The following CMSS1 variants were observed in gnomAD, a reference collection of about 807,000 sequenced individuals.
CMSS1 encodes protein CMSS1.
Under a neutral mutation model 43.5 loss-of-function variants are expected in CMSS1, and 33 were observed. The observed-to-expected ratio is 0.76, with a 90% confidence interval of 0.57 to 1.01. The LOEUF is 1.01. CMSS1 is among the 50% of genes least tolerant of loss of function. The pLI, the probability that CMSS1 is intolerant of heterozygous loss-of-function variation, is 0.00. For missense variants in CMSS1, 313 were observed against 326.4 expected, an observed-to-expected ratio of 0.96 and a Z score of 0.32; for synonymous variants, 115 against 117.2, an observed-to-expected ratio of 0.98 and a Z score of 0.12.
chr3:100,099,870 A>T (rs2066275111), intron 1 of CMSS1, among the ~76,000 whole-genome samples: 1 of 152,192 alleles, frequency 6.6e-6, no homozygotes, highest in African/African-American at 2.4e-5. Flanking sequence ...AGGTGTGGTT[A>T]TGGAACTGAG....
chr3:99,850,800 C>CTCTA (rs1559658765), intron 1 of CMSS1: 7 of 1,614,188 alleles, frequency 4.3e-6, no homozygotes, highest in Admixed American at 1.7e-5. Context: ...GCAGTTCCTT[C>CTCTA]TCTAGTCTGG....
chr3:100,110,548 A>G (rs1327366674), intron 1 of CMSS1, among the ~76,000 whole-genome samples: 1 of 152,214 alleles, frequency 6.6e-6, no homozygotes, highest in African/African-American at 2.4e-5. Flanking sequence ...ACAAACTTTA[A>G]ATACATGTAC....
At chr3:100,076,406 C>T (rs529440576) in intron 1 of CMSS1, among the ~76,000 whole-genome samples, 1 of 152,328 alleles carries the variant, frequency 6.6e-6, no homozygotes, top group South Asian at 2.1e-4. Context: ...CGCCCAACAC[C>T]CTTCTTTTTC....
intron 1 of CMSS1, among the ~76,000 whole-genome samples, chr3:100,067,748 C>G (rs2065691168): frequency 6.6e-6 from 1 of 151,738 alleles, no homozygotes; most frequent in Non-Finnish European, 1.5e-5. Context: ...AAATATATAC[C>G]ACACTACTTT....
At chr3:100,034,600 C>G (rs1489874108) in intron 1 of CMSS1, among the ~76,000 whole-genome samples, 2 of 152,158 alleles carry the variant, frequency 1.3e-5, no homozygotes, top group Non-Finnish European at 2.9e-5. Flanking sequence ...AAACATGCTT[C>G]CTTATCAGTA....
chr3:99,967,663 T>G (rs780229789), intron 1 of CMSS1, among the ~76,000 whole-genome samples: 6 of 152,176 alleles, frequency 3.9e-5, no homozygotes, highest in Non-Finnish European at 7.3e-5. Context: ...ATAACGTTCT[T>G]TGGGCCTTGG....
intron 1 of CMSS1, among the ~76,000 whole-genome samples, chr3:100,026,324 A>C (rs2064920541): frequency 1.3e-5 from 2 of 152,136 alleles, no homozygotes; most frequent in African/African-American, 2.4e-5. Flanking sequence ...TCCTAAACTC[A>C]AGCTGTCTGC....
Position 100,107,395 on chromosome 3 carries a change from G to A in CMSS1, c.65-39578G>A, listed in dbSNP as rs552436062. Reference sequence around the variant, plus strand: ...TTCAGTAAGCATTATAGCCTCTTCTGACACTTTGTTGGTAGAATTTCTGAA... The same window carrying A: ...TTCAGTAAGCATTATAGCCTCTTCTAACACTTTGTTGGTAGAATTTCTGAA... On this transcript the variant is annotated intron_variant, in intron 1 of 9. Transcript: ENST00000421999. Among the ~76,000 whole-genome samples the A allele has an allele frequency of 6.6e-5, 10 of 152,218 alleles. No individual in the cohort carries two copies. In the East Asian group the frequency reaches 1.9e-3, roughly 29 times the overall value.
At chr3:100,087,526 G>A (rs2066031137) in intron 1 of CMSS1, among the ~76,000 whole-genome samples, 1 of 152,078 alleles carries the variant, frequency 6.6e-6, no homozygotes, top group African/African-American at 2.4e-5. Flanking sequence ...TTTCATCCAA[G>A]TATAGTCTTT....
intron 1 of CMSS1, among the ~76,000 whole-genome samples, chr3:99,950,404 G>T (rs1257669269): frequency 6.6e-6 from 1 of 152,138 alleles, no homozygotes; most frequent in East Asian, 1.9e-4. Context: ...ACTTAGAAAA[G>T]TTAAGTAAGT....
In CMSS1 at chr3:100,105,416, A is replaced by G. The variant is rs2066377371; in HGVS notation, c.65-41557A>G. ...CCTGGAAGGCATTTCTTTTGAATCA[A>G]CTGCAATTCGTATCTAACAATTTCA... On this transcript the variant is annotated intron_variant, in intron 1 of 9. Transcript: ENST00000421999. 3.3e-5 allele frequency among the ~76,000 whole-genome samples: 5 copies of G among 152,206 alleles called. No homozygotes were observed. The South Asian group carries it at 1.0e-3, about 31-fold the overall frequency.
chr3:99,835,643 T>C (rs1204452728), intron 1 of CMSS1, among the ~76,000 whole-genome samples: 1 of 152,232 alleles, frequency 6.6e-6, no homozygotes. Context: ...TATGTGATTC[T>C]GATGAAGGTG....
Position 99,874,640 on chromosome 3 carries a change from A to G in CMSS1, c.64+56597A>G, listed in dbSNP as rs77077254. 2.5e-4 allele frequency among the ~76,000 whole-genome samples: 38 copies of G among 152,304 alleles called. No homozygotes were observed. The East Asian group carries it at 7.3e-3, about 29-fold the overall frequency. On this transcript the variant is annotated intron_variant, in intron 1 of 9. Transcript: ENST00000421999. ...GCTCCAAACAAAATTAGCAAAAACA[A>G]AAAAACTGCTATGAGGCAAAAATGA...
intron 1 of CMSS1, among the ~76,000 whole-genome samples, chr3:99,992,349 T>A (rs1709549078): frequency 6.6e-6 from 1 of 152,114 alleles, no homozygotes; most frequent in African/African-American, 2.4e-5. Context: ...TTTGACTCTT[T>A]AATAATAGCC....
chr3:99,930,802 T>C (rs1244868475), intron 1 of CMSS1: 35 of 1,612,886 alleles, frequency 2.2e-5, no homozygotes, highest in African/African-American at 2.7e-5. Flanking sequence ...TGAGGAGAAA[T>C]AACAGGTCAT....
chr3:100,121,459 A>T (rs536665606), intron 1 of CMSS1, among the ~76,000 whole-genome samples: 13 of 152,054 alleles, frequency 8.5e-5, no homozygotes, highest in Non-Finnish European at 1.6e-4. Context: ...CATGGTGTAT[A>T]TTTGCCACAT....
intron 2 of CMSS1, among the ~76,000 whole-genome samples, chr3:100,156,321 T>TC (rs2066973387): frequency 7.0e-6 from 1 of 143,022 alleles, no homozygotes; most frequent in African/African-American, 2.6e-5. Context: ...TTTTTTTTTT[T>TC]TTTTTGAGGC....
At chr3:99,871,637 G>C (rs1331894666) in intron 1 of CMSS1, among the ~76,000 whole-genome samples, 1 of 152,174 alleles carries the variant, frequency 6.6e-6, no homozygotes, top group East Asian at 1.9e-4. Context: ...TGAAGGCATT[G>C]AGTCACTTTG....
intron 1 of CMSS1, among the ~76,000 whole-genome samples, chr3:100,102,666 T>G (rs1026003633): frequency 1.3e-5 from 2 of 152,218 alleles, no homozygotes; most frequent in Non-Finnish European, 2.9e-5. Context: ...CGCCATGCTT[T>G]GCATTCAGTA....
Sources: gnomAD v4.1 joint callset for allele counts (sites outside exome capture counted in the v4.1 genomes callset) on GRCh38, gnomAD v4.1.1 for gene constraint, MANE v1.5 for transcripts, NCBI Gene and HGNC (gene_info 2026-07-23, HGNC 2026-07-21) for gene names.